RAB28: variants seen among roughly 807,000 people sequenced by gnomAD.
RAB28 encodes the protein RAB28, member RAS oncogene family, also known as ras-related protein Rab-28.
A neutral mutation model predicts 31.7 loss-of-function variants in RAB28; 24 were observed. The observed-to-expected ratio is 0.76, with a 90% CI of 0.55 to 1.06. RAB28 has a LOEUF of 1.06. Among genes scored for constraint, RAB28 ranks in the 50% least tolerant of loss-of-function variants. RAB28 has a pLI of 0.00. For synonymous variants in RAB28, 100 were observed against 90.4 expected (o/e 1.11, Z -0.60); for missense variants, 254 against 258.5 (o/e 0.98, Z 0.12).
At chr4:13,402,781 T>C (rs143003235) in intron 4 of RAB28, among the ~76,000 whole-genome samples, 261 of 152,010 alleles carry the variant, frequency 1.7e-3, no homozygotes, top group African/African-American at 6.0e-3. Context: ...CTGCCTCATA[T>C]ATTATTATTA....
intron 6 of RAB28, chr4:13,370,512 C>T (rs1728676814): frequency 1.2e-6 from 1 of 826,542 alleles, no homozygotes; most frequent in Non-Finnish European, 1.5e-6. Context: ...AATTGCCATA[C>T]AAGTTAAACA....
chr4:13,480,667 T>A (rs986369006), intron 1 of RAB28, among the ~76,000 whole-genome samples: 1 of 151,874 alleles, frequency 6.6e-6, no homozygotes, highest in African/African-American at 2.4e-5. Flanking sequence ...ACACCATAAC[T>A]CCAAATATTT....
intron 4 of RAB28, among the ~76,000 whole-genome samples, chr4:13,439,038 A>T (rs554407358): frequency 3.9e-5 from 6 of 152,344 alleles, no homozygotes; most frequent in Admixed American, 3.9e-4. Flanking sequence ...AATGATGAGT[A>T]TATTTTCATG....
rs192741380 is a variant in RAB28, at chr4:13,374,544, C to T, written c.573+2001G>A. On this transcript the variant is annotated intron_variant, in intron 6 of 6. Coordinates refer to ENST00000330852, the MANE Select transcript of RAB28 (RefSeq NM_001017979.3). ...AGCCCTCTCACCTGTGAAGCACCAG[C>T]CCACCATTCCCCTTTTCAGAAAGAC... 8.2e-4 allele frequency among the ~76,000 whole-genome samples: 125 copies of T among 152,164 alleles called. 1 individual carries two copies. The highest frequency in any genetic ancestry group is 2.5e-3 in the South Asian group (12 of 4,806).
At chr4:13,423,691 T>G (rs1454625375) in intron 4 of RAB28, among the ~76,000 whole-genome samples, 1 of 152,154 alleles carries the variant, frequency 6.6e-6, no homozygotes. Flanking sequence ...CTAAAATATC[T>G]GTTATCTGGC....
intron 4 of RAB28, among the ~76,000 whole-genome samples, chr4:13,434,486 C>T (rs1021417405): frequency 6.6e-6 from 1 of 152,094 alleles, no homozygotes; most frequent in Non-Finnish European, 1.5e-5. Context: ...TAGTGAAGAA[C>T]TTCAACACCC....
intron 1 of RAB28, among the ~76,000 whole-genome samples, chr4:13,482,060 TAC>T (rs963618431): frequency 2.0e-5 from 3 of 152,162 alleles, no homozygotes; most frequent in Non-Finnish European, 4.4e-5. Context: ...AAAAAGCTGT[TAC>T]AGTTTTAAAA....
intron 4 of RAB28, among the ~76,000 whole-genome samples, chr4:13,403,783 T>C (rs980456731): frequency 2.0e-5 from 3 of 152,152 alleles, no homozygotes; most frequent in South Asian, 4.1e-4. Flanking sequence ...AATGAATGAA[T>C]ACTTTAAAAT....
intron 4 of RAB28, among the ~76,000 whole-genome samples, chr4:13,404,663 C>T (rs945797872): frequency 3.9e-5 from 6 of 152,068 alleles, no homozygotes; most frequent in African/African-American, 1.4e-4. Context: ...GAATTCAGTT[C>T]ATTGTCTCAA....
chr4:13,468,722 A>T (rs2108967168), intron 3 of RAB28, among the ~76,000 whole-genome samples: 1 of 151,910 alleles, frequency 6.6e-6, no homozygotes, highest in East Asian at 1.9e-4. Flanking sequence ...TTAGGGAAGA[A>T]ATCACTGAAA....
chr4:13,418,466 T>A (rs932323245), intron 4 of RAB28, among the ~76,000 whole-genome samples: 1 of 150,488 alleles, frequency 6.6e-6, no homozygotes, highest in African/African-American at 2.5e-5. Flanking sequence ...TTCACCAAGG[T>A]TGAAATGAAG....
chr4:13,473,110 C>T (rs1164370804), intron 3 of RAB28, among the ~76,000 whole-genome samples: 1 of 151,812 alleles, frequency 6.6e-6, no homozygotes, highest in Admixed American at 6.6e-5. Context: ...TGTCCTTCTC[C>T]GAATATTTTA....
At chr4:13,407,890 G>T (rs1346824071) in intron 4 of RAB28, among the ~76,000 whole-genome samples, 2 of 152,180 alleles carry the variant, frequency 1.3e-5, no homozygotes, top group Admixed American at 6.5e-5. Flanking sequence ...TGCTGAAGTT[G>T]CTCACCAGCT....
At chr4:13,388,900 G>A (rs1201349867) in intron 4 of RAB28, among the ~76,000 whole-genome samples, 4 of 151,896 alleles carry the variant, frequency 2.6e-5, no homozygotes, top group African/African-American at 9.7e-5. Flanking sequence ...GGGTTTCTGA[G>A]AAAGTTAAAC....
chr4:13,416,651 G>C (rs73229671), intron 4 of RAB28, among the ~76,000 whole-genome samples: 2,094 of 152,294 alleles, frequency 0.014, 24 homozygotes, highest in Middle Eastern at 0.044. Context: ...GGGTGGGGAT[G>C]AAGACTGAAT....
chr4:13,378,950 C>T (rs144146185), intron 5 of RAB28, among the ~76,000 whole-genome samples: 6 of 152,186 alleles, frequency 3.9e-5, no homozygotes, highest in Non-Finnish European at 8.8e-5. Flanking sequence ...TTGGCTCACA[C>T]CTGTAACCCC....
intron 4 of RAB28, among the ~76,000 whole-genome samples, chr4:13,440,244 T>C (rs536967114): frequency 6.6e-6 from 1 of 152,034 alleles, no homozygotes; most frequent in Non-Finnish European, 1.5e-5. Context: ...ATGATACAAG[T>C]CATTAGAAAA....
intron 4 of RAB28, among the ~76,000 whole-genome samples, chr4:13,431,997 G>A (rs1713832708): frequency 6.6e-6 from 1 of 152,060 alleles, no homozygotes; most frequent in South Asian, 2.1e-4. Context: ...GGATTGCAAG[G>A]AAACTCACTG....
chr4:13,407,294 T>C (rs973233892), intron 4 of RAB28, among the ~76,000 whole-genome samples: 2 of 152,210 alleles, frequency 1.3e-5, no homozygotes, highest in Non-Finnish European at 2.9e-5. Flanking sequence ...TTTTGTCAGG[T>C]TTCTCAAAGA....
Sources: gnomAD v4.1 joint callset for allele counts (sites outside exome capture counted in the v4.1 genomes callset) on GRCh38, gnomAD v4.1.1 for gene constraint, MANE v1.5 for transcripts, NCBI Gene and HGNC (gene_info 2026-07-23, HGNC 2026-07-21) for gene names.